The following ESRRG variants were observed in gnomAD, a reference collection of about 807,000 sequenced individuals.
ESRRG encodes the protein estrogen-related receptor gamma.
ESRRG carries 13 observed loss-of-function variants against 44.0 expected under a neutral mutation model. That is an observed-to-expected ratio of 0.30 (90% CI 0.19 to 0.47). The LOEUF is 0.47. Ranked by LOEUF, ESRRG falls within the 20% of genes least tolerant of loss-of-function variation. The pLI is 1.00. For missense variants in ESRRG, 395 were observed against 580.6 expected, an observed-to-expected ratio of 0.68 and a Z score of 3.29; for synonymous variants, 215 against 214.6, an observed-to-expected ratio of 1.00 and a Z score of -0.02.
intron 2 of ESRRG, among the ~76,000 whole-genome samples, chr1:216,877,297 C>T (rs1285570641): frequency 6.6e-6 from 1 of 152,026 alleles, no homozygotes; most frequent in Non-Finnish European, 1.5e-5. Flanking sequence ...TTCTCATTCC[C>T]CTCCCACAAA....
In ESRRG at chr1:216,576,661, T is replaced by C. The variant is rs553675665; in HGVS notation, c.590-8563A>G. 1.3e-4 allele frequency among the ~76,000 whole-genome samples: 20 copies of C among 152,178 alleles called. No homozygotes were observed. In the East Asian group the frequency reaches 3.5e-3, roughly 26 times the overall value. ...TGCTCTTAGCTGGTTCTGGGGATCA[T>C]GTGCTAAATTTATAATCTGCACTGG... is the stretch of plus-strand genomic sequence containing the variant. On this transcript the variant is annotated intron_variant, in intron 3 of 6. Coordinates refer to ENST00000408911, the MANE Select transcript of ESRRG (RefSeq NM_001438.4).
intron 2 of ESRRG, among the ~76,000 whole-genome samples, chr1:216,912,104 AAAG>A (rs2060380875): frequency 1.5e-5 from 2 of 136,870 alleles, no homozygotes; most frequent in African/African-American, 5.6e-5. Context: ...CCCTGTAAAA[AAAG>A]AAGAAAAGAA....
At chr1:216,516,668 C>CAGAGAG (rs869054150) in intron 6 of ESRRG, among the ~76,000 whole-genome samples, 4,413 of 137,106 alleles carry the variant, frequency 0.032, 89 homozygotes, top group Non-Finnish European at 0.042. Flanking sequence ...CACACACACA[C>CAGAGAG]AGAGAGAGAG....
chr1:217,095,893 A>G (rs2092416299), intron 1 of ESRRG, among the ~76,000 whole-genome samples: 1 of 152,212 alleles, frequency 6.6e-6, no homozygotes, highest in Non-Finnish European at 1.5e-5. Flanking sequence ...CTCTGTGTCC[A>G]CATTTTAAAA....
rs1011707764 is a variant in ESRRG, at chr1:216,534,358, A to C, written c.863-14937T>G. Among the ~76,000 whole-genome samples, 8 of 152,128 alleles carry C rather than the reference A, an allele frequency of 5.3e-5. No homozygotes were observed. The East Asian group carries it at 1.5e-3, about 29-fold the overall frequency. On this transcript the variant is annotated intron_variant, in intron 5 of 6. Coordinates refer to ENST00000408911, the MANE Select transcript of ESRRG (RefSeq NM_001438.4). ...GGGCAGAGACTACTCAGATATCCTA[A>C]TGTCTATTTCAGTAGTGAAAGAGAA...
chr1:216,962,432 G>T (rs754824794), intron 1 of ESRRG, among the ~76,000 whole-genome samples: 1 of 152,136 alleles, frequency 6.6e-6, no homozygotes, highest in Admixed American at 6.6e-5. Context: ...GTTTAAAAAC[G>T]TGTTCCCACT....
At chr1:217,090,849 T>C (rs11572383), upstream of ESRRG, among the ~76,000 whole-genome samples, 5,031 of 152,326 alleles carry the variant, frequency 0.033, 165 homozygotes, top group South Asian at 0.088. Context: ...AATTATGCAC[T>C]GTATCTGTTA....
At chr1:216,892,382 A>G (rs2057915723) in intron 2 of ESRRG, among the ~76,000 whole-genome samples, 1 of 152,132 alleles carries the variant, frequency 6.6e-6, no homozygotes, top group Admixed American at 6.5e-5. Context: ...TGGTCCCTGG[A>G]GCCCTAGATT....
intron 2 of ESRRG, among the ~76,000 whole-genome samples, chr1:216,732,128 A>T (rs2088926740): frequency 6.9e-6 from 1 of 144,668 alleles, no homozygotes; most frequent in African/African-American, 2.5e-5. Context: ...GAAAATAAAA[A>T]AAAGAAAGGT....
rs112293755 is a variant in ESRRG at position 216,679,758 on chromosome 1, C to A, written c.57-2267G>T. ...CCATGGTCACTTTCACCCCAATTTTCTTTTTTTCAGGCTCTTCCTCATGGA... is the reference window on the plus strand; with the variant it reads ...CCATGGTCACTTTCACCCCAATTTTATTTTTTTCAGGCTCTTCCTCATGGA... On this transcript the variant is annotated intron_variant, in intron 1 of 6. Coordinates refer to ENST00000408911, the MANE Select transcript of ESRRG (RefSeq NM_001438.4). Among the ~76,000 whole-genome samples the A allele has an allele frequency of 2.7e-3, 400 of 148,900 alleles. 1 individual carries two copies. Among genetic ancestry groups the A allele is most frequent in the African/African-American group, 9.3e-3 (376 of 40,412 alleles).
chr1:216,605,184 G>T (rs1208764745), intron 3 of ESRRG, among the ~76,000 whole-genome samples: 1 of 152,102 alleles, frequency 6.6e-6, no homozygotes, highest in Non-Finnish European at 1.5e-5. Context: ...GGTCAGATTT[G>T]CAGTGTTATA....
intron 2 of ESRRG, among the ~76,000 whole-genome samples, chr1:216,843,442 A>C (rs1194074846): frequency 6.6e-6 from 1 of 152,160 alleles, no homozygotes. Flanking sequence ...CCCACATTGA[A>C]TTGACATTTC....
chr1:216,590,614 T>A (rs1391275090), intron 3 of ESRRG, among the ~76,000 whole-genome samples: 1 of 152,176 alleles, frequency 6.6e-6, no homozygotes, highest in Non-Finnish European at 1.5e-5. Flanking sequence ...GTGCTAAAGA[T>A]CTGGTTAGAA....
chr1:216,947,530 T>C (rs1454345026), intron 1 of ESRRG, among the ~76,000 whole-genome samples: 2 of 152,180 alleles, frequency 1.3e-5, no homozygotes, highest in East Asian at 3.9e-4. Context: ...AATGACAAGC[T>C]ACAATGGCTT....
chr1:216,917,574 A>G (rs892872140), intron 2 of ESRRG, among the ~76,000 whole-genome samples: 2 of 152,194 alleles, frequency 1.3e-5, no homozygotes, highest in African/African-American at 4.8e-5. Flanking sequence ...ATCCCAAAGT[A>G]TTTGGAATTT....
intron 1 of ESRRG, chr1:216,715,159 A>G: frequency 1.0e-6 from 1 of 985,326 alleles, no homozygotes; most frequent in Non-Finnish European, 1.2e-6. Context: ...TGAATTAGCC[A>G]AGTGTGTAGT....
intron 2 of ESRRG, among the ~76,000 whole-genome samples, chr1:216,817,962 A>G (rs931125899): frequency 6.6e-6 from 1 of 151,954 alleles, no homozygotes; most frequent in Non-Finnish European, 1.5e-5. Flanking sequence ...GTCTGACTGT[A>G]TTCGGGATTT....
chr1:216,721,548 A>G (rs2086282524), intron 1 of ESRRG, among the ~76,000 whole-genome samples: 1 of 152,234 alleles, frequency 6.6e-6, no homozygotes, highest in African/African-American at 2.4e-5. Context: ...AGCCAAAAGG[A>G]CATGTGCCTT....
At chr1:216,956,778 A>C (rs1310368960) in intron 1 of ESRRG, among the ~76,000 whole-genome samples, 1 of 152,190 alleles carries the variant, frequency 6.6e-6, no homozygotes, top group African/African-American at 2.4e-5. Flanking sequence ...AAAAACAATA[A>C]AATCTTGAAA....
Sources: allele counts gnomAD v4.1 joint callset (sites outside exome capture counted in the v4.1 genomes callset), GRCh38; gene constraint gnomAD v4.1.1; transcripts MANE v1.5; gene names NCBI Gene and HGNC (gene_info 2026-07-23, HGNC 2026-07-21).